The following WDR20 variants were observed in gnomAD, a reference collection of about 807,000 sequenced individuals.
WDR20 encodes the protein WD repeat-containing protein 20.
WDR20 carries 3 observed loss-of-function variants against 38.7 expected under a neutral mutation model. The ratio of observed to expected loss-of-function variants is 0.08; its 90% CI spans 0.04 to 0.20. WDR20 has a LOEUF of 0.20. Ranked by LOEUF, WDR20 falls within the 10% of genes least tolerant of loss-of-function variation. The pLI, the probability that WDR20 is intolerant of heterozygous loss-of-function variation, is 1.00. For synonymous variants in WDR20, 298 were observed against 285.6 expected (o/e 1.04, Z -0.44); for missense variants, 559 against 727.7 (o/e 0.77, Z 2.67).
At chr14:102,173,733 C>T (rs2061479693) in intron 1 of WDR20, among the ~76,000 whole-genome samples, 4 of 151,798 alleles carry the variant, frequency 2.6e-5, no homozygotes, top group South Asian at 4.2e-4. Context: ...TTTGGTTTTC[C>T]ATTCCTGAGT....
rs1166281772 is a variant in WDR20, at chr14:102,208,672, G to A, written c.502G>A (p.Ala168Thr). ...VPGSESLFLV[A>T]HSSGNMYLYN... is the part of the protein sequence containing the mutation. ...CGGTTCGGAAAGCCTTTTCCTAGTA[G>A]CCCACTCGAGTGGGAACATGTACTT... The change falls in exon 3 of 3, where the codon GCC becomes ACC. Residue 168 changes from alanine to threonine, a missense_variant. By Grantham distance (58) the Ala-to-Thr change is moderately conservative. Transcript: ENST00000342702. This position sits in a 1 kb window ranked among gnomAD's most constrained non-coding sequence, Gnocchi z 5.6. 6.2e-7 allele frequency: 1 copy of A among 1,613,814 alleles called. No homozygotes were observed. The highest frequency in any genetic ancestry group is 8.5e-7 in the Non-Finnish European group (1 of 1,179,820).
chr14:102,172,576 G>A (rs1043109450), intron 1 of WDR20, among the ~76,000 whole-genome samples: 1 of 148,412 alleles, frequency 6.7e-6, no homozygotes, highest in Non-Finnish European at 1.5e-5. Flanking sequence ...CGGCTGGCCG[G>A]GCAGAGGGGC....
intron 1 of WDR20, among the ~76,000 whole-genome samples, chr14:102,169,300 A>G (rs772811645): frequency 2.8e-4 from 42 of 152,184 alleles, no homozygotes; most frequent in Non-Finnish European, 5.3e-4. Flanking sequence ...CTGCCCAGAA[A>G]GGCACTGCCA....
intron 1 of WDR20, among the ~76,000 whole-genome samples, chr14:102,171,011 G>T (rs2060691530): frequency 6.6e-6 from 1 of 151,884 alleles, no homozygotes; most frequent in Non-Finnish European, 1.5e-5. Flanking sequence ...ACCCAGGCTA[G>T]AGTGCAGTGG....
downstream of WDR20, among the ~76,000 whole-genome samples, chr14:102,215,582 G>A (rs1304148116): frequency 1.3e-5 from 2 of 152,136 alleles, no homozygotes; most frequent in South Asian, 2.1e-4. Context: ...TTTAAGCCCC[G>A]CATGCATTAG....
intron 1 of WDR20, among the ~76,000 whole-genome samples, chr14:102,180,343 C>T (rs1053513479): frequency 2.0e-5 from 3 of 152,216 alleles, no homozygotes; most frequent in Admixed American, 6.5e-5. Context: ...TTCAAGCTCA[C>T]AAGACAGAAC....
rs758161454 is a variant in WDR20, at chr14:102,208,081, G to A, written c.433-522G>A. ...ACTGTGGATTTCACTCCCCACCTTC[G>A]AGCCGCCAGAGCAGAGGGGCAGATG... On this transcript the variant is annotated intron_variant, in intron 2 of 2. Coordinates refer to ENST00000342702, the MANE Select transcript of WDR20 (RefSeq NM_144574.4). This position sits in a 1 kb window ranked among gnomAD's most constrained non-coding sequence, Gnocchi z 5.6. 2.0e-5 allele frequency among the ~76,000 whole-genome samples: 3 copies of A among 152,124 alleles called. No homozygotes were observed. The highest frequency in any genetic ancestry group is 4.4e-5 in the Non-Finnish European group (3 of 68,026).
At chr14:102,206,161 A>G (rs2061501621) in intron 2 of WDR20, among the ~76,000 whole-genome samples, 1 of 151,924 alleles carries the variant, frequency 6.6e-6, no homozygotes, top group Admixed American at 6.6e-5. Flanking sequence ...TAATTTTTGT[A>G]TTTTTAGTAG....
intron 2 of WDR20, chr14:102,197,775 G>C: frequency 1.4e-6 from 1 of 702,518 alleles, no homozygotes; most frequent in South Asian, 1.5e-5. Context: ...AGCACTTGTG[G>C]AAGGTGGATT....
chr14:102,153,536 A>G (rs1016967628), intron 1 of WDR20, among the ~76,000 whole-genome samples: 2 of 151,660 alleles, frequency 1.3e-5, no homozygotes, highest in Non-Finnish European at 2.9e-5. Flanking sequence ...TCGATTTCCT[A>G]ACCTCATGAT....
At position 102,222,988 on chromosome 14, in the gene WDR20, C is replaced by G; in HGVS notation, c.*105C>G. ...GCCGTGCCAGCCGGCGGACCTCAGG[C>G]GGTGGACGTCGGCGATAGCCGTGTG... On this transcript the variant is annotated 3_prime_UTR_variant, in exon 4 of 4. Coordinates refer to the WDR20 transcript ENST00000335263. The surrounding 1 kb of genome is among the most constrained non-coding windows in gnomAD (Gnocchi z 4.4). 4 of 1,371,970 alleles carry G rather than the reference C, an allele frequency of 2.9e-6. No individual in the cohort carries two copies. In the South Asian group the frequency reaches 4.8e-5, roughly 16 times the overall value. The allele number at this position is 1,371,970 out of a possible 1,614,324, so 85.0% of individuals were successfully genotyped here. A position where few individuals can be genotyped will look rare whatever the true frequency, so the allele number is the denominator to read the frequency against.
At chr14:102,213,082 A>G, downstream of WDR20, 1 of 987,666 alleles carries the variant, frequency 1.0e-6, no homozygotes, top group Non-Finnish European at 1.2e-6. Context: ...GTGCCAGGCC[A>G]GGGCCAGGGG....
At chr14:102,212,706 G>C, downstream of WDR20, 1 of 1,486,002 alleles carries the variant, frequency 6.7e-7, no homozygotes, top group East Asian at 2.5e-5. Context: ...GGGTGGCCGC[G>C]GTGGTTCCTG....
At position 102,194,946 on chromosome 14, in the gene WDR20, C is replaced by T; in HGVS notation, c.258C>T (p.Asp86=). 1 of 1,614,004 alleles carries T rather than the reference C, an allele frequency of 6.2e-7. No homozygotes were observed. The change falls in exon 2 of 3, where the codon GAC becomes GAT. Residue 86 remains aspartate (D), a synonymous_variant. Transcript: ENST00000342702. ...TTCTCTTTCTCCTCCAGGCTGCTGA[C>T]TTGAGTAAACCAATAGATAAAAGGA... The part of the protein sequence containing the change: ...YIYKGVRKAA[D]LSKPIDKRIY...
chr14:102,188,590 A>G (rs1264963262), intron 1 of WDR20, among the ~76,000 whole-genome samples: 1 of 152,114 alleles, frequency 6.6e-6, no homozygotes, highest in African/African-American at 2.4e-5. Context: ...AATTCCAGCC[A>G]GGCATGGTGA....
At chr14:102,139,782 C>A, upstream of WDR20, 1 of 1,292,360 alleles carries the variant, frequency 7.7e-7, no homozygotes, top group Non-Finnish European at 1.1e-6. Context: ...TTCCCTTTGG[C>A]CCGCCCTCGC....
chr14:102,199,100 G>A (rs1253496649), intron 2 of WDR20, among the ~76,000 whole-genome samples: 2 of 152,110 alleles, frequency 1.3e-5, no homozygotes, highest in Non-Finnish European at 2.9e-5. Flanking sequence ...CTCAGCTACT[G>A]CTTTCAAAGG....
At chr14:102,184,013 C>T (rs1408864992) in intron 1 of WDR20, among the ~76,000 whole-genome samples, 1 of 152,124 alleles carries the variant, frequency 6.6e-6, no homozygotes, top group Non-Finnish European at 1.5e-5. Context: ...ATGCATCTTG[C>T]CTTTTCGTCA....
intron 1 of WDR20, among the ~76,000 whole-genome samples, chr14:102,159,570 A>T (rs555966666): frequency 6.6e-6 from 1 of 152,290 alleles, no homozygotes; most frequent in East Asian, 1.9e-4. Context: ...GCGGTGGCGC[A>T]CGCCGGTAAT....
Sources: allele counts gnomAD v4.1 joint callset (sites outside exome capture counted in the v4.1 genomes callset), GRCh38; gene constraint gnomAD v4.1.1; non-coding constraint Gnocchi (gnomAD v3.1); transcripts MANE v1.5; gene names NCBI Gene and HGNC (gene_info 2026-07-23, HGNC 2026-07-21).